The following NBPF3 variants were observed in gnomAD, a reference collection of about 807,000 sequenced individuals.
NBPF3 encodes the protein NBPF member 3.
NBPF3 carries 57 observed loss-of-function variants against 78.1 expected under a neutral mutation model. The observed-to-expected ratio is 0.73, with a 90% CI of 0.59 to 0.91. NBPF3 has a LOEUF of 0.91. Among genes scored for constraint, NBPF3 ranks in the 40% least tolerant of loss-of-function variants. The pLI, the probability that NBPF3 is intolerant of heterozygous loss-of-function variation, is 0.00. For synonymous variants in NBPF3, 182 were observed against 271.7 expected, an observed-to-expected ratio of 0.67 and a Z score of 3.25; for missense variants, 510 against 715.3, an observed-to-expected ratio of 0.71 and a Z score of 3.27.
Position 21,483,169 on chromosome 1 carries a change from A to C in NBPF3, c.1685A>C (p.Glu562Ala). 6.2e-7 allele frequency: 1 copy of C among 1,609,950 alleles called. No individual in the cohort carries two copies. Among genetic ancestry groups the C allele is most frequent in the Non-Finnish European group, 8.5e-7 (1 of 1,178,838 alleles). The change falls in exon 15 of 15, where the codon GAA becomes GCA. Residue 562 changes from glutamate to alanine, a missense_variant. By Grantham distance (107) the Glu-to-Ala change is moderately radical. Around this residue, in one of 5 missense-constraint regions of NBPF3, gnomAD observed 25 missense variants for 27.3 expected, o/e 0.92. Transcript: ENST00000318249. The stretch of plus-strand genomic sequence containing the variant: ...CTCAACGAGGTGCTGATGGAAGCAG[A>C]AGAGCCTGAAGTCTTGCAGGACTCA... Reference protein sequence around the residue: ...PRLNEVLMEAEEPEVLQDSLD... With the variant: ...PRLNEVLMEAAEPEVLQDSLD...
upstream of NBPF3, among the ~76,000 whole-genome samples, chr1:21,439,817 G>T (rs1444446899): frequency 6.6e-6 from 1 of 152,188 alleles, no homozygotes; most frequent in East Asian, 1.9e-4. Flanking sequence ...CCTCCGAGGG[G>T]GTGTGTCTTC....
At chr1:21,480,311 C>T (rs1218722848) in intron 11 of NBPF3, 88 bp downstream of exon 11, 8 of 675,480 alleles carry the variant, frequency 1.2e-5, no homozygotes, top group South Asian at 4.8e-5. Context: ...CTTATTGACC[C>T]GAGAGATGTC....
intron 2 of NBPF3, among the ~76,000 whole-genome samples, chr1:21,459,090 A>C (rs1641799937): frequency 1.3e-5 from 2 of 152,240 alleles, no homozygotes; most frequent in South Asian, 4.1e-4. Context: ...AAATTAAAGA[A>C]GACTAAATAG....
chr1:21,443,869 C>G (rs1021777327), intron 1 of NBPF3, among the ~76,000 whole-genome samples: 4 of 152,122 alleles, frequency 2.6e-5, no homozygotes, highest in Non-Finnish European at 5.9e-5. Context: ...CCTTGGCATC[C>G]CAAAGTGTTG....
At position 21,460,009 on chromosome 1, in the gene NBPF3, T is replaced by C. The variant is rs139138915; in HGVS notation, c.134-8679T>C. ...GGCGGCCCAGATGGAGGGTGAGTCC[T>C]TGTTGCCCACGATGGCCGCGAACCT... On this transcript the variant is annotated intron_variant, in intron 2 of 14. Transcript: ENST00000318249. This position sits in a 1 kb window ranked among gnomAD's most constrained non-coding sequence, Gnocchi z 4.2. The C allele has an allele frequency of 0.089, 7,650 of 85,866 alleles. 3,142 individuals are homozygous for C. Among genetic ancestry groups the C allele is most frequent in the South Asian group, 0.2 (296 of 1,502 alleles). The allele number at this position is 85,866 out of a possible 1,614,324, so 5.3% of individuals were successfully genotyped here. A position where few individuals can be genotyped will look rare whatever the true frequency, so the allele number is the denominator to read the frequency against.
intron 2 of NBPF3, among the ~76,000 whole-genome samples, chr1:21,447,446 C>T (rs1641054200): frequency 1.3e-5 from 2 of 152,226 alleles, no homozygotes; most frequent in Admixed American, 6.5e-5. Context: ...CTGACAACCA[C>T]TCATCATTTT....
At chr1:21,453,348 G>A (rs1215421770) in intron 2 of NBPF3, 1 of 152,178 alleles carries the variant, frequency 6.6e-6, no homozygotes, top group Non-Finnish European at 1.5e-5. Flanking sequence ...GGGTCCCATA[G>A]CATTATTTAC....
At chr1:21,474,183 T>TTTTTC (rs755684716) in intron 7 of NBPF3, among the ~76,000 whole-genome samples, 23 of 150,976 alleles carry the variant, frequency 1.5e-4, no homozygotes, top group Non-Finnish European at 2.4e-4. Flanking sequence ...TCTCTCTCTC[T>TTTTTC]TTTTCTTTTC....
Position 21,474,926 on chromosome 1 carries a change from G to T in NBPF3, c.967G>T (p.Glu323Ter). 6.2e-7 allele frequency: 1 copy of T among 1,603,112 alleles called. No individual in the cohort carries two copies. The change falls in exon 8 of 15, where the codon GAA becomes TAA. Residue 323 changes from glutamate to a stop codon, truncating the protein, a stop_gained. Transcript: ENST00000318249. LOFTEE classifies it high-confidence loss of function. ...PENESDHEQE[E>*]EKGPVSPRNL... The stretch of plus-strand genomic sequence containing the variant: ...AAATGAAAGTGATCATGAGCAAGAG[G>T]AAGAAAAAGGGCCAGTGTCTCCCAG...
intron 2 of NBPF3, among the ~76,000 whole-genome samples, chr1:21,455,147 C>T (rs1005271316): frequency 6.6e-6 from 1 of 152,254 alleles, no homozygotes; most frequent in African/African-American, 2.4e-5. Context: ...CCCTCCTGCA[C>T]TTCACATCTC....
intron 2 of NBPF3, among the ~76,000 whole-genome samples, chr1:21,448,671 G>A (rs2147911331): frequency 6.6e-6 from 1 of 152,268 alleles, no homozygotes; most frequent in Middle Eastern, 3.4e-3. Context: ...TGGTTTTCAA[G>A]GAGTTTTTAA....
intron 2 of NBPF3, among the ~76,000 whole-genome samples, chr1:21,452,881 G>T (rs1436828386): frequency 6.6e-6 from 1 of 152,216 alleles, no homozygotes; most frequent in East Asian, 1.9e-4. Flanking sequence ...AATTAGGAAG[G>T]CATGAAATAA....
chr1:21,442,002 A>G (rs950307640), intron 1 of NBPF3, among the ~76,000 whole-genome samples: 1 of 152,126 alleles, frequency 6.6e-6, no homozygotes, highest in African/African-American at 2.4e-5. Context: ...GAGATTGAGT[A>G]TCTTTTATTG....
rs1553398399 is a variant in NBPF3, at chr1:21,479,848, G to GTA, written c.1209-202_1209-201insAT. On this transcript the variant is annotated intron_variant, in intron 10 of 14. Coordinates refer to ENST00000318249, the MANE Select transcript of NBPF3 (RefSeq NM_032264.6). The stretch of plus-strand genomic sequence containing the variant: ...TGTGTGTGTGTGTGTGTGTGTGTGT[G>GTA]TGTGTATGTGTATGTCTTTCTCTTT... Among the ~76,000 whole-genome samples, 21 of 121,896 alleles carry GTA rather than the reference G, an allele frequency of 1.7e-4. 1 individual carries two copies. Among genetic ancestry groups the GTA allele is most frequent in the Middle Eastern group, 4.5e-3 (1 of 222 alleles). 80.0% of individuals were successfully genotyped at this position (121,896 alleles called of 152,430 possible).
chr1:21,475,770 C>T (rs11586012), intron 8 of NBPF3, among the ~76,000 whole-genome samples: 2,073 of 152,172 alleles, frequency 0.014, 55 homozygotes, highest in African/African-American at 0.046. Context: ...GTGGAGAGTT[C>T]GTAGATGTCT....
intron 1 of NBPF3, chr1:21,442,281 C>T (rs1640699436): frequency 1.3e-5 from 2 of 152,166 alleles, no homozygotes; most frequent in Admixed American, 6.6e-5. Flanking sequence ...GTGGCACAAT[C>T]ACAGCTCACT....
chr1:21,478,695 C>G (rs10916997), intron 9 of NBPF3, among the ~76,000 whole-genome samples: 2,132 of 152,322 alleles, frequency 0.014, 56 homozygotes, highest in African/African-American at 0.048. Flanking sequence ...CAAAGCATGT[C>G]TGTGCAGTGC....
chr1:21,460,940 C>T lies in NBPF3; in HGVS notation c.134-7748C>T, dbSNP rs1020961102. On this transcript the variant is annotated intron_variant, in intron 2 of 14. Transcript: ENST00000318249. This position sits in a 1 kb window ranked among gnomAD's most constrained non-coding sequence, Gnocchi z 4.2. ...AGGTTACAAGAAAATGACAAACACACCAGTGTTTCAATGAACATAAAATTT... is the reference window on the plus strand; with the variant it reads ...AGGTTACAAGAAAATGACAAACACATCAGTGTTTCAATGAACATAAAATTT... Among the ~76,000 whole-genome samples, 1 of 152,084 alleles carries T rather than the reference C, an allele frequency of 6.6e-6. No homozygotes were observed. Among genetic ancestry groups the T allele is most frequent in the Non-Finnish European group, 1.5e-5 (1 of 68,032 alleles).
chr1:21,439,197 T>C (rs61775933), upstream of NBPF3, among the ~76,000 whole-genome samples: 23,618 of 152,172 alleles, frequency 0.16, 2,351 homozygotes, highest in Non-Finnish European at 0.22. Flanking sequence ...GAGAATCGCT[T>C]GATCCTGGGA....
Sources: allele counts gnomAD v4.1 joint callset (sites outside exome capture counted in the v4.1 genomes callset), GRCh38; gene constraint gnomAD v4.1.1; regional missense constraint gnomAD v4.1.1; non-coding constraint Gnocchi (gnomAD v3.1); transcripts MANE v1.5; gene names NCBI Gene and HGNC (gene_info 2026-07-23, HGNC 2026-07-21).